CACNA1B: variants seen among roughly 807,000 people sequenced by gnomAD.
The protein encoded by CACNA1B is voltage-dependent N-type calcium channel subunit alpha-1B.
A neutral mutation model predicts 247.2 loss-of-function variants in CACNA1B; 70 were observed. The observed-to-expected ratio is 0.28, with a 90% CI of 0.23 to 0.35. The LOEUF (loss-of-function observed/expected upper bound fraction) is 0.35, where lower values mean the gene tolerates loss of function less well. Ranked by LOEUF, CACNA1B falls within the 10% of genes least tolerant of loss-of-function variation. The pLI, the probability that CACNA1B is intolerant of heterozygous loss-of-function variation, is 1.00. For synonymous variants in CACNA1B, 1,231 were observed against 1,294.4 expected (o/e 0.95, Z 1.05); for missense variants, 2,367 against 3,197.4 (o/e 0.74, Z 6.26).
chr9:138,080,317 T>C (rs1960482918), intron 36 of CACNA1B, among the ~76,000 whole-genome samples: 1 of 152,086 alleles, frequency 6.6e-6, no homozygotes, highest in African/African-American at 2.4e-5. Context: ...AGGACATGTT[T>C]TGGGATGCAG....
chr9:137,900,569 T>C (rs1957224396), intron 3 of CACNA1B, among the ~76,000 whole-genome samples: 1 of 150,880 alleles, frequency 6.6e-6, no homozygotes, highest in African/African-American at 2.4e-5. Flanking sequence ...TCTGTCTATG[T>C]GTGTCTCTGT....
chr9:137,892,164 C>T (rs779643031), intron 3 of CACNA1B: 38 of 456,914 alleles, frequency 8.3e-5, no homozygotes, highest in Middle Eastern at 6.5e-4. Flanking sequence ...TTCCCTTGAA[C>T]GACTGGACAC....
Position 137,955,195 on chromosome 9 carries a change from C to G in CACNA1B, c.1071-503C>G, listed in dbSNP as rs73669807. The stretch of plus-strand genomic sequence containing the variant: ...CTGCCCTGACCCAGTCCCTTCTTCC[C>G]TGTCCCTGTCTGTCCCTCCCACTTC... On this transcript the variant is annotated intron_variant, in intron 7 of 46. Transcript: ENST00000371372. This position sits in a 1 kb window ranked among gnomAD's most constrained non-coding sequence, Gnocchi z 6.9. 1.7e-3 allele frequency among the ~76,000 whole-genome samples: 266 copies of G among 152,284 alleles called. 3 individuals carry two copies. Among genetic ancestry groups the G allele is most frequent in the African/African-American group, 6.2e-3 (256 of 41,538 alleles).
intron 42 of CACNA1B, among the ~76,000 whole-genome samples, chr9:138,117,327 A>T (rs1589137999): frequency 6.6e-6 from 1 of 151,704 alleles, no homozygotes; most frequent in African/African-American, 2.4e-5. Flanking sequence ...CCAGCAAGGG[A>T]CCCCTGAGGG....
At chr9:138,017,515 C>T (rs866938358) in intron 18 of CACNA1B, among the ~76,000 whole-genome samples, 1 of 152,218 alleles carries the variant, frequency 6.6e-6, no homozygotes, top group South Asian at 2.1e-4. Context: ...GTGGACTGGG[C>T]GTCATGGGTT....
chr9:138,023,581 G>A lies in CACNA1B; in HGVS notation c.2838G>A (p.Glu946=), dbSNP rs1248400727. 2.2e-5 allele frequency: 24 copies of A among 1,079,438 alleles called. No homozygotes were observed. The highest frequency in any genetic ancestry group is 3.6e-5 in the South Asian group (1 of 28,124). The allele number at this position is 1,079,438 out of a possible 1,614,324, so 66.9% of individuals were successfully genotyped here. Residue 946 remains glutamate, a synonymous_variant, in exon 19 of 47, where the codon GAG becomes GAA. Transcript: ENST00000371372. ...ACCGGCACCAGGATCCGAGCAAGGAGTGCGCCGGCGCCAAGGGCGAGCGGC... is the reference window on the plus strand; with the variant it reads ...ACCGGCACCAGGATCCGAGCAAGGAATGCGCCGGCGCCAAGGGCGAGCGGC... ...RAHRHQDPSK[E]CAGAKGERRA...
rs202011106 is a variant in CACNA1B at position 138,118,755 on chromosome 9, C to T, written c.6017C>T (p.Ala2006Val). 5.3e-4 allele frequency: 797 copies of T among 1,503,188 alleles called. 12 individuals carry two copies. In the East Asian group the frequency reaches 0.019, roughly 35 times the overall value. 93.1% of individuals were successfully genotyped at this position (1,503,188 alleles called of 1,614,324 possible). ...CGAGCGGCCTCCATGCCCCGCCTTG[C>T]GGCCGAGACTCAGGTAGGTGGTCTG... ...QGRAASMPRLAAETQPVTDAS... is the reference protein window; with the variant it reads ...QGRAASMPRLVAETQPVTDAS... Residue 2006 changes from alanine (A) to valine (V), a missense_variant, in exon 44 of 47, where the codon GCG (alanine) becomes GTG (valine). Ala to Val is a moderately conservative substitution (Grantham distance 64). Coordinates refer to ENST00000371372, the MANE Select transcript of CACNA1B (RefSeq NM_000718.4).
chr9:137,951,747 G>C (rs563493660), intron 6 of CACNA1B, among the ~76,000 whole-genome samples: 11 of 152,134 alleles, frequency 7.2e-5, no homozygotes, highest in Non-Finnish European at 1.6e-4. Flanking sequence ...GCTGGGCGCT[G>C]TCTCAGGCCA....
In CACNA1B at chr9:138,122,252, C is replaced by T; in HGVS notation, c.*253C>T. The T allele has an allele frequency of 1.8e-6, 1 of 548,982 alleles. No homozygotes were observed. The highest frequency in any genetic ancestry group is 3.3e-6 in the Non-Finnish European group (1 of 307,088). 34.0% of individuals were successfully genotyped at this position (548,982 alleles called of 1,614,324 possible). On this transcript the variant is annotated 3_prime_UTR_variant, in exon 47 of 47. Coordinates refer to ENST00000371372, the MANE Select transcript of CACNA1B (RefSeq NM_000718.4). ...CTCGTACCACACACCAGACCCTAAACCGCAGGCTGCTGTGTGTGGCTGAGA... is the reference window on the plus strand; with the variant it reads ...CTCGTACCACACACCAGACCCTAAATCGCAGGCTGCTGTGTGTGGCTGAGA...
In CACNA1B at chr9:138,025,076, G is replaced by C; in HGVS notation, c.3190G>C (p.Val1064Leu). ...QPEDADNQRN[V>L]TRMGSQPPDP... The stretch of plus-strand genomic sequence containing the variant: ...AGAGGATGCAGACAATCAGCGGAAC[G>C]TCACTCGCATGGGCAGTCAGCCCCC... The change falls in exon 20 of 47, where the codon GTC (valine) becomes CTC (leucine). Residue 1064 changes from valine to leucine, a missense_variant. Val to Leu is a conservative substitution (Grantham distance 32). Transcript: ENST00000371372. The C allele has an allele frequency of 3.1e-6, 5 of 1,613,068 alleles. No individual in the cohort carries two copies. Among genetic ancestry groups the C allele is most frequent in the Non-Finnish European group, 4.2e-6 (5 of 1,179,518 alleles).
intron 3 of CACNA1B, among the ~76,000 whole-genome samples, chr9:137,911,011 C>T (rs1374925588): frequency 1.3e-5 from 2 of 152,076 alleles, no homozygotes; most frequent in Non-Finnish European, 2.9e-5. Context: ...GTTTTCTAGT[C>T]TTAGCTCTTA....
intron 15 of CACNA1B, among the ~76,000 whole-genome samples, chr9:137,989,652 A>T (rs1219878073): frequency 4.6e-5 from 7 of 152,208 alleles, no homozygotes; most frequent in African/African-American, 1.7e-4. Flanking sequence ...TAACGGAAAC[A>T]CTGGGGTACA....
Position 138,115,559 on chromosome 9 carries a change from C to T in CACNA1B, c.5657C>T (p.Pro1886Leu). Residue 1886 changes from proline to leucine, a missense_variant, in exon 42 of 47, where the codon CCT becomes CTT. By Grantham distance (98) the Pro-to-Leu change is moderately conservative (BLOSUM62 -3). This residue lies in a region of CACNA1B where 773 missense variants were observed against 779.4 expected (regional missense o/e 0.99). Coordinates refer to ENST00000371372, the MANE Select transcript of CACNA1B (RefSeq NM_000718.4). ...CCTTTGCCTCCTTTGCAGATGGGTC[C>T]TGTGTCCCTGTTCCACCCTCTGAAG... ...QAPGGLSQMG[P>L]VSLFHPLKAT... 6.2e-7 allele frequency: 1 copy of T among 1,613,272 alleles called. No homozygotes were observed. The highest frequency in any genetic ancestry group is 8.5e-7 in the Non-Finnish European group (1 of 1,179,734).
At chr9:138,117,321 C>CAA (rs1165150507) in intron 42 of CACNA1B, among the ~76,000 whole-genome samples, 5 of 151,966 alleles carry the variant, frequency 3.3e-5, no homozygotes, top group Admixed American at 6.6e-5. Context: ...GAGCCACCAG[C>CAA]AAGGGACCCC....
intron 15 of CACNA1B, among the ~76,000 whole-genome samples, chr9:137,999,351 T>C (rs998202876): frequency 1.3e-5 from 2 of 152,124 alleles, no homozygotes; most frequent in African/African-American, 4.8e-5. Context: ...TATTTGTAAG[T>C]TGAAGGATTT....
In CACNA1B at chr9:138,052,314, G is replaced by A; in HGVS notation, c.3807+126G>A. 1 of 623,334 alleles carries A rather than the reference G, an allele frequency of 1.6e-6. No homozygotes were observed. Among genetic ancestry groups the A allele is most frequent in the Non-Finnish European group, 2.9e-6 (1 of 346,594 alleles). 38.6% of individuals were successfully genotyped at this position (623,334 alleles called of 1,614,324 possible). ...GTGTTCACATCACACCCCTGTGTGA[G>A]GGGGTTGGGCTCACTCAGCTGTAAG... is the stretch of plus-strand genomic sequence containing the variant. On this transcript the variant is annotated intron_variant, in intron 25 of 46. Transcript: ENST00000371372. This position sits in a 1 kb window ranked among gnomAD's most constrained non-coding sequence, Gnocchi z 5.1.
chr9:137,971,537 A>T lies in CACNA1B; in HGVS notation c.1488A>T (p.Thr496=), dbSNP rs2229951. The stretch of plus-strand genomic sequence containing the variant: ...TGCTGTGCGTGGTGGCCCTGAACAC[A>T]CTGTGTGTGGCCATGGTGCATTACA... ...WVVLCVVALN[T]LCVAMVHYNQ... The change falls in exon 11 of 47, where the codon ACA becomes ACT. Residue 496 remains threonine (T), a synonymous_variant. Coordinates refer to ENST00000371372, the MANE Select transcript of CACNA1B (RefSeq NM_000718.4). The surrounding 1 kb of genome is among the most constrained non-coding windows in gnomAD (Gnocchi z 4.4). The T allele has an allele frequency of 0.14, 222,450 of 1,613,280 alleles. 17,337 individuals are homozygous for T. The highest frequency in any genetic ancestry group is 0.16 in the Non-Finnish European group (184,580 of 1,179,522).
At chr9:138,055,211 C>T (rs934485003) in intron 26 of CACNA1B, among the ~76,000 whole-genome samples, 2 of 151,340 alleles carry the variant, frequency 1.3e-5, no homozygotes, top group Non-Finnish European at 2.9e-5. Context: ...AATGCAGCCT[C>T]GAACTGTCAG....
Position 137,926,068 on chromosome 9 carries a change from C to CTT in CACNA1B, c.966+8654_966+8655dup, listed in dbSNP as rs71387875. Among the ~76,000 whole-genome samples the CTT allele has an allele frequency of 7.0e-3, 739 of 105,164 alleles. 22 individuals carry two copies. The highest frequency in any genetic ancestry group is 9.5e-3 in the Non-Finnish European group (545 of 57,386). 69.0% of individuals were successfully genotyped at this position (105,164 alleles called of 152,430 possible). On this transcript the variant is annotated intron_variant, in intron 6 of 46. Transcript: ENST00000371372. ...TGTACCTGGCTTCCTTTTTTCCTTT[C>CTT]TTTTTTTTTTTTTTTTTTGAGACGG...
Sources: allele counts gnomAD v4.1 joint callset (sites outside exome capture counted in the v4.1 genomes callset), GRCh38; gene constraint gnomAD v4.1.1; regional missense constraint gnomAD v4.1.1; non-coding constraint Gnocchi (gnomAD v3.1); transcripts MANE v1.5; gene names NCBI Gene and HGNC (gene_info 2026-07-23, HGNC 2026-07-21).